DOCK10: variants seen among roughly 807,000 people sequenced by gnomAD.
The protein encoded by DOCK10 is dedicator of cytokinesis protein 10.
DOCK10 carries 145 observed loss-of-function variants against 280.1 expected under a neutral mutation model. The observed-to-expected ratio is 0.52, with a 90% CI of 0.45 to 0.59. The LOEUF (loss-of-function observed/expected upper bound fraction) is 0.59, where lower values mean the gene tolerates loss of function less well. DOCK10 is among the 20% of genes least tolerant of loss of function. The probability of loss-of-function intolerance (pLI) is 0.00; values close to 1 mark genes in which losing one functional copy is unlikely to be tolerated. For missense variants in DOCK10, 2,368 were observed against 2,651.7 expected (o/e 0.89, Z 2.35); for synonymous variants, 915 against 942.2 (o/e 0.97, Z 0.53).
intron 1 of DOCK10, among the ~76,000 whole-genome samples, chr2:225,021,621 T>A (rs537560878): frequency 2.6e-5 from 4 of 152,344 alleles, no homozygotes; most frequent in Admixed American, 2.0e-4. Context: ...CCTGTAACGA[T>A]CACACATATT....
chr2:224,947,015 C>T, intron 1 of DOCK10: 3 of 1,488,600 alleles, frequency 2.0e-6, no homozygotes, highest in Non-Finnish European at 1.8e-6. Flanking sequence ...CTCTTCTCTT[C>T]TGAAGCGTCA....
intron 1 of DOCK10, among the ~76,000 whole-genome samples, chr2:224,968,920 C>T (rs1704924633): frequency 1.3e-5 from 2 of 152,192 alleles, no homozygotes; most frequent in South Asian, 4.1e-4. Context: ...CAGACACACA[C>T]TTAGAACTAC....
intron 1 of DOCK10, among the ~76,000 whole-genome samples, chr2:224,974,865 T>A (rs1705337470): frequency 7.1e-6 from 1 of 141,112 alleles, no homozygotes; most frequent in African/African-American, 2.5e-5. Flanking sequence ...TATATATGAG[T>A]ATATATACGT....
At chr2:224,896,814 T>A (rs1002356789) in intron 3 of DOCK10, among the ~76,000 whole-genome samples, 1 of 152,244 alleles carries the variant, frequency 6.6e-6, no homozygotes, top group Non-Finnish European at 1.5e-5. Flanking sequence ...CTGTGAAAGC[T>A]AGCAACTTAA....
chr2:224,822,533 T>C (rs1215972677), intron 28 of DOCK10, among the ~76,000 whole-genome samples: 3 of 152,126 alleles, frequency 2.0e-5, no homozygotes, highest in Non-Finnish European at 4.4e-5. Flanking sequence ...GAAACCAGCC[T>C]GGGCTACGTG....
intron 1 of DOCK10, among the ~76,000 whole-genome samples, chr2:224,976,066 G>T (rs369343177): frequency 6.6e-6 from 1 of 152,116 alleles, no homozygotes; most frequent in Admixed American, 6.6e-5. Context: ...TGAGCCTGCC[G>T]ACCTGCAAGA....
chr2:224,775,066 T>C lies in DOCK10; in HGVS notation c.5852A>G (p.Tyr1951Cys). The change falls in exon 52 of 56, where the codon TAT becomes TGT. Residue 1951 changes from tyrosine to cysteine, a missense_variant. By Grantham distance (194) the Tyr-to-Cys change is radical. Around this residue, in one of 2 missense-constraint regions of DOCK10, gnomAD observed 1,159 missense variants for 1,400.8 expected, o/e 0.83. Transcript: ENST00000258390. ...CTTTTCCTCAAAGAACGGCGTCACA[T>C]AGGTCACCTGGATGTAGGCATATTT... Reference protein sequence around the residue: ...DPKYAYIQVTYVTPFFEEKEI... With the variant: ...DPKYAYIQVTCVTPFFEEKEI... 1 of 1,614,058 alleles carries C rather than the reference T, an allele frequency of 6.2e-7. No homozygotes were observed. Among genetic ancestry groups the C allele is most frequent in the Non-Finnish European group, 8.5e-7 (1 of 1,179,888 alleles).
intron 26 of DOCK10, among the ~76,000 whole-genome samples, chr2:224,831,990 GAGA>G (rs1695270886): frequency 6.6e-6 from 1 of 152,172 alleles, no homozygotes; most frequent in African/African-American, 2.4e-5. Context: ...GGTGCAGTAT[GAGA>G]AGAACAAAGC....
chr2:224,794,615 GT>G (rs1427626887), intron 45 of DOCK10, among the ~76,000 whole-genome samples: 1 of 152,138 alleles, frequency 6.6e-6, no homozygotes, highest in African/African-American at 2.4e-5. Flanking sequence ...TTAGCCTCAG[GT>G]TTTTAGCATT....
At chr2:224,978,427 C>T (rs13418605) in intron 1 of DOCK10, among the ~76,000 whole-genome samples, 100,954 of 151,726 alleles carry the variant, frequency 0.67, 34,125 homozygotes, top group Middle Eastern at 0.78. Context: ...AGCAAGACTC[C>T]GTCTCGGAAA....
At chr2:224,804,363 T>C (rs1693235135) in intron 38 of DOCK10, 150 bp from the exon 39 acceptor site, 1 of 550,012 alleles carries the variant, frequency 1.8e-6, no homozygotes, top group African/African-American at 2.0e-5. Context: ...CTTTCGGAAA[T>C]CAGAAATTGG....
At chr2:225,009,649 AAAG>A (rs1396057189) in intron 1 of DOCK10, among the ~76,000 whole-genome samples, 2 of 146,482 alleles carry the variant, frequency 1.4e-5, no homozygotes, top group Admixed American at 1.3e-4. Context: ...AAAAAAAAAA[AAAG>A]AAAGAAAAAA....
At chr2:225,040,427 C>T (rs1690387295) in intron 1 of DOCK10, among the ~76,000 whole-genome samples, 1 of 152,114 alleles carries the variant, frequency 6.6e-6, no homozygotes, top group Non-Finnish European at 1.5e-5. Context: ...TCCCCTCCCC[C>T]ACCTCTTTTT....
chr2:224,881,708 GA>G (rs1458776955), intron 7 of DOCK10, among the ~76,000 whole-genome samples: 2 of 152,128 alleles, frequency 1.3e-5, no homozygotes, highest in African/African-American at 4.8e-5. Flanking sequence ...ATTAGATGAA[GA>G]AAACCACAAG....
At chr2:224,975,901 C>A (rs969737738) in intron 1 of DOCK10, among the ~76,000 whole-genome samples, 1 of 152,182 alleles carries the variant, frequency 6.6e-6, no homozygotes, top group Non-Finnish European at 1.5e-5. Flanking sequence ...ATAACACCCT[C>A]ACTGGCCTCT....
At chr2:224,880,370 G>C (rs923608042) in intron 7 of DOCK10, among the ~76,000 whole-genome samples, 1 of 152,190 alleles carries the variant, frequency 6.6e-6, no homozygotes, top group African/African-American at 2.4e-5. Context: ...CGATCTTGCT[G>C]TCTGTAATCT....
At chr2:224,887,862 T>C (rs1380675415) in intron 4 of DOCK10, among the ~76,000 whole-genome samples, 2 of 152,220 alleles carry the variant, frequency 1.3e-5, no homozygotes, top group African/African-American at 2.4e-5. Flanking sequence ...TTTAGTCCTC[T>C]TGTTGTACAT....
At chr2:224,926,250 T>A (rs1245970197) in intron 2 of DOCK10, among the ~76,000 whole-genome samples, 1 of 152,260 alleles carries the variant, frequency 6.6e-6, no homozygotes, top group East Asian at 1.9e-4. Flanking sequence ...TGTCAGGCCC[T>A]CAACCTGGAA....
rs1697014932 is a variant in DOCK10 at position 224,855,022 on chromosome 2, A to G, written c.1829T>C (p.Met610Thr). The stretch of plus-strand genomic sequence containing the variant: ...ATCCAGGCTTCCAGGAATGGTCTGC[A>G]TTTTGCTTATTCTGTCGGCCCTGTA... Reference protein sequence around the residue: ...DYRRADRISKMQTIPGSLDIA... With the variant: ...DYRRADRISKTQTIPGSLDIA... Residue 610 changes from methionine to threonine, a missense_variant, in exon 16 of 56, where the codon ATG becomes ACG. By Grantham distance (81) the Met-to-Thr change is moderately conservative. Around this residue, in one of 2 missense-constraint regions of DOCK10, gnomAD observed 1,209 missense variants for 1,250.9 expected, o/e 0.97. Coordinates refer to ENST00000258390, the MANE Select transcript of DOCK10 (RefSeq NM_014689.3). The G allele has an allele frequency of 7.5e-6, 12 of 1,599,536 alleles. No individual in the cohort carries two copies. Among genetic ancestry groups the G allele is most frequent in the Non-Finnish European group, 1.0e-5 (12 of 1,172,562 alleles).
Sources: gnomAD v4.1 joint callset for allele counts (sites outside exome capture counted in the v4.1 genomes callset) on GRCh38, gnomAD v4.1.1 for gene constraint, gnomAD v4.1.1 regional missense constraint, MANE v1.5 for transcripts, NCBI Gene and HGNC (gene_info 2026-07-23, HGNC 2026-07-21) for gene names.